THADA: variants seen among roughly 807,000 people sequenced by gnomAD.
THADA encodes the protein THADA armadillo repeat containing, also known as tRNA (32-2'-O)-methyltransferase regulator THADA.
Under a neutral mutation model 219.8 loss-of-function variants are expected in THADA, and 213 were observed. The ratio of observed to expected loss-of-function variants is 0.97; its 90% confidence interval spans 0.87 to 1.09. The LOEUF (loss-of-function observed/expected upper bound fraction) is 1.09. Among genes scored for constraint, THADA ranks in the 50% least tolerant of loss-of-function variants. THADA has a pLI of 0.00. For missense variants in THADA, 2,956 were observed against 2,311.3 expected (o/e 1.28, Z -5.72); for synonymous variants, 1,018 against 828.9 (o/e 1.23, Z -3.92).
At chr2:43,361,727 T>C (rs1202602265) in intron 29 of THADA, among the ~76,000 whole-genome samples, 1 of 152,246 alleles carries the variant, frequency 6.6e-6, no homozygotes, top group African/African-American at 2.4e-5. Context: ...ATGACAAATG[T>C]ATGGCAAGGA....
intron 29 of THADA, among the ~76,000 whole-genome samples, chr2:43,383,406 T>C (rs1020304196): frequency 6.6e-6 from 1 of 152,112 alleles, no homozygotes; most frequent in African/African-American, 2.4e-5. Context: ...AGTTACAGTA[T>C]TAAGGGTTCT....
At position 43,270,418 on chromosome 2, in the gene THADA, C is replaced by T. The variant is rs113508334; in HGVS notation, c.5296+9347G>A. On this transcript the variant is annotated intron_variant, in intron 36 of 37. Coordinates refer to ENST00000405975, the MANE Select transcript of THADA (RefSeq NM_022065.5). ...CCCAGGGCACACTCTGGTATCTCAG[C>T]TCTGGTCCCCAACCCATTTTCTTAC... 8.2e-4 allele frequency among the ~76,000 whole-genome samples: 125 copies of T among 152,334 alleles called. No individual in the cohort carries two copies. In the Middle Eastern group the frequency reaches 0.01, roughly 12 times the overall value.
intron 25 of THADA, among the ~76,000 whole-genome samples, chr2:43,494,625 A>C (rs113650662): frequency 5.9e-5 from 9 of 152,312 alleles, no homozygotes; most frequent in African/African-American, 2.2e-4. Flanking sequence ...TGGATAACAG[A>C]AGCTACTAAG....
chr2:43,582,068 T>C (rs562076082), intron 7 of THADA, 140 bp from the exon 8 acceptor site: 855 of 647,646 alleles, frequency 1.3e-3, no homozygotes, highest in Admixed American at 2.1e-3. Flanking sequence ...CTCTCTTCCA[T>C]TCCTATAAAC....
At chr2:43,543,206 A>T (rs1195731066) in intron 20 of THADA, among the ~76,000 whole-genome samples, 6 of 144,088 alleles carry the variant, frequency 4.2e-5, no homozygotes, top group Non-Finnish European at 7.6e-5. Context: ...ACATGAACTC[A>T]TCATTTTTTA....
At chr2:43,335,103 A>G (rs1293609454) in intron 30 of THADA, among the ~76,000 whole-genome samples, 1 of 152,104 alleles carries the variant, frequency 6.6e-6, no homozygotes, top group Non-Finnish European at 1.5e-5. Flanking sequence ...GTCCCCTGGG[A>G]GCTGGTCAAA....
chr2:43,554,221 C>T (rs59669565), intron 17 of THADA, among the ~76,000 whole-genome samples: 49,878 of 151,898 alleles, frequency 0.33, 8,523 homozygotes, highest in South Asian at 0.41. Context: ...TGTTTTCTTC[C>T]AAGAATTTTA....
At chr2:43,557,204 A>G (rs956357583) in intron 16 of THADA, among the ~76,000 whole-genome samples, 1 of 152,266 alleles carries the variant, frequency 6.6e-6, no homozygotes, top group Non-Finnish European at 1.5e-5. Context: ...ACAGTAATTA[A>G]TGATTATTAA....
intron 29 of THADA, among the ~76,000 whole-genome samples, chr2:43,374,632 T>G (rs1671170509): frequency 6.6e-6 from 1 of 152,156 alleles, no homozygotes; most frequent in South Asian, 2.1e-4. Context: ...GAAGGAACCT[T>G]TAAAATGTAA....
intron 31 of THADA, among the ~76,000 whole-genome samples, chr2:43,296,414 T>TA (rs1319644179): frequency 6.6e-6 from 1 of 152,066 alleles, no homozygotes; most frequent in East Asian, 1.9e-4. Flanking sequence ...TAGCTGGAAA[T>TA]ACAGGCACAC....
chr2:43,286,519 T>A (rs1674027275), intron 35 of THADA, among the ~76,000 whole-genome samples: 2 of 152,100 alleles, frequency 1.3e-5, no homozygotes, highest in African/African-American at 4.8e-5. Flanking sequence ...GGTGGGTGGA[T>A]CACCTGAGGT....
intron 29 of THADA, among the ~76,000 whole-genome samples, chr2:43,366,956 CAGA>C (rs1211336437): frequency 6.6e-6 from 1 of 152,030 alleles, no homozygotes; most frequent in African/African-American, 2.4e-5. Context: ...AGTTCACTGA[CAGA>C]AGAATAAACA....
At chr2:43,327,768 T>C (rs1433652021) in intron 30 of THADA, among the ~76,000 whole-genome samples, 1 of 152,084 alleles carries the variant, frequency 6.6e-6, no homozygotes, top group African/African-American at 2.4e-5. Context: ...CAAACCCCCC[T>C]AAAAACCAAC....
intron 29 of THADA, among the ~76,000 whole-genome samples, chr2:43,354,746 C>T (rs1166899050): frequency 6.6e-6 from 1 of 152,036 alleles, no homozygotes. Flanking sequence ...ATTTTCTTTA[C>T]CATTTGATAT....
intron 29 of THADA, among the ~76,000 whole-genome samples, chr2:43,366,165 TTC>T (rs1294852273): frequency 6.6e-6 from 1 of 152,236 alleles, no homozygotes; most frequent in Non-Finnish European, 1.5e-5. Flanking sequence ...TGCTAATAGT[TTC>T]TCTCTCTTTT....
At chr2:43,299,675 C>G (rs1676024851) in intron 31 of THADA, among the ~76,000 whole-genome samples, 1 of 151,640 alleles carries the variant, frequency 6.6e-6, no homozygotes, top group Admixed American at 6.6e-5. Flanking sequence ...ACAACAACAC[C>G]AACAAAAACC....
At chr2:43,404,895 A>G (rs1675345859) in intron 28 of THADA, among the ~76,000 whole-genome samples, 1 of 152,248 alleles carries the variant, frequency 6.6e-6, no homozygotes, top group South Asian at 2.1e-4. Context: ...AGTTTAAATG[A>G]AATAATGCAT....
chr2:43,231,212 C>G lies in THADA; in HGVS notation c.5598G>C (p.Glu1866Asp). Residue 1866 changes from glutamate to aspartate, a missense_variant, in exon 38 of 38, where the codon GAG (glutamate) becomes GAC (aspartate). Physicochemically the swap from Glu to Asp is conservative, Grantham distance 45. Coordinates refer to ENST00000405975, the MANE Select transcript of THADA (RefSeq NM_022065.5). ...CCATCCTTTGAAGGTGACAGAGCATCTCAGGGCTTGGGGGACGCCAGCCGG... is the reference window on the plus strand; with the variant it reads ...CCATCCTTTGAAGGTGACAGAGCATGTCAGGGCTTGGGGGACGCCAGCCGG... ...SKSGWRPPSP[E>D]MLCHLQRMVS... 1.2e-6 allele frequency: 2 copies of G among 1,613,868 alleles called. No individual in the cohort carries two copies. Among genetic ancestry groups the G allele is most frequent in the Non-Finnish European group, 8.5e-7 (1 of 1,179,810 alleles).
intron 1 of THADA, 43 bp downstream of exon 1, chr2:43,595,888 G>A (rs958820269): frequency 6.6e-6 from 1 of 152,292 alleles, no homozygotes; most frequent in East Asian, 1.9e-4. Flanking sequence ...TGGCCGAGCC[G>A]AGCTACCGCG....
Sources: gnomAD v4.1 joint callset for allele counts (sites outside exome capture counted in the v4.1 genomes callset) on GRCh38, gnomAD v4.1.1 for gene constraint, MANE v1.5 for transcripts, NCBI Gene and HGNC (gene_info 2026-07-23, HGNC 2026-07-21) for gene names.